The following SPINK6 variants were observed in gnomAD, a reference collection of about 807,000 sequenced individuals.
SPINK6 encodes the protein serine protease inhibitor Kazal-type 6.
SPINK6 carries 13 observed loss-of-function variants against 11.7 expected under a neutral mutation model. The observed-to-expected ratio is 1.11, with a 90% CI of 0.72 to 1.76. The LOEUF is 1.76. SPINK6 is among the 40% of genes most tolerant of loss of function. The pLI is 0.00. For missense variants in SPINK6, 98 were observed against 93.7 expected (o/e 1.05, Z -0.19); for synonymous variants, 21 against 31.9 (o/e 0.66, Z 1.15).
intron 2 of SPINK6, among the ~76,000 whole-genome samples, chr5:148,207,915 C>T (rs949512321): frequency 6.6e-6 from 1 of 152,068 alleles, no homozygotes; most frequent in Non-Finnish European, 1.5e-5. Flanking sequence ...ATACAGATCC[C>T]CAGGCATCAT....
intron 2 of SPINK6, among the ~76,000 whole-genome samples, chr5:148,210,022 G>A (rs1309907470): frequency 1.8e-3 from 26 of 14,314 alleles, no homozygotes; most frequent in Admixed American, 7.1e-3. Context: ...ATGTACGCAT[G>A]TACGCATGCA....
At chr5:148,208,829 TTGAC>T (rs1223184715) in intron 2 of SPINK6, among the ~76,000 whole-genome samples, 1 of 152,196 alleles carries the variant, frequency 6.6e-6, no homozygotes, top group Non-Finnish European at 1.5e-5. Context: ...AGATAGTCCT[TTGAC>T]TGAATACATT....
chr5:148,208,454 T>C (rs538772512), intron 2 of SPINK6, among the ~76,000 whole-genome samples: 2 of 152,324 alleles, frequency 1.3e-5, no homozygotes, highest in Admixed American at 6.5e-5. Flanking sequence ...AAGTAAGATT[T>C]CCTCCAACAC....
At chr5:148,203,373 C>T (rs554745701) in intron 1 of SPINK6, among the ~76,000 whole-genome samples, 30 of 152,012 alleles carry the variant, frequency 2.0e-4, no homozygotes, top group African/African-American at 5.5e-4. Context: ...TAGGCATGTA[C>T]GAAGGGATTT....
At chr5:148,208,921 T>C (rs1755533775) in intron 2 of SPINK6, among the ~76,000 whole-genome samples, 1 of 152,226 alleles carries the variant, frequency 6.6e-6, no homozygotes, top group South Asian at 2.1e-4. Context: ...GGGAACCTTA[T>C]CCTTAAAGAG....
rs573162456 is a variant in SPINK6 at position 148,210,093 on chromosome 5, CATGT to C, written c.82-3809_82-3806del. Among the ~76,000 whole-genome samples, 262 of 109,080 alleles carry C rather than the reference CATGT, an allele frequency of 2.4e-3. 4 individuals are homozygous for C. Among genetic ancestry groups the C allele is most frequent in the African/African-American group, 7.4e-3 (247 of 33,182 alleles). 71.6% of individuals were successfully genotyped at this position (109,080 alleles called of 152,430 possible). A position where few individuals can be genotyped will look rare whatever the true frequency, so the allele number is the denominator to read the frequency against. ...GTATGCATATATGTATGCATGTTTA[CATGT>C]ATGTATGCACATATGTATGTATGTT... On this transcript the variant is annotated intron_variant, in intron 2 of 3. Coordinates refer to ENST00000325630, the MANE Select transcript of SPINK6 (RefSeq NM_205841.4).
chr5:148,207,021 T>TTGTC (rs1654360990), intron 2 of SPINK6, among the ~76,000 whole-genome samples: 1 of 150,022 alleles, frequency 6.7e-6, no homozygotes, highest in Non-Finnish European at 1.5e-5. Context: ...GATGATGCAT[T>TTGTC]TGTGTGTGTG....
chr5:148,209,968 A>ACAC lies in SPINK6; in HGVS notation c.81+3910_81+3911insCAC, dbSNP rs1376051662. 1.3e-5 allele frequency among the ~76,000 whole-genome samples: 2 copies of ACAC among 150,360 alleles called. 1 individual carries two copies. The highest frequency in any genetic ancestry group is 3.0e-5 in the Non-Finnish European group (2 of 67,768). On this transcript the variant is annotated intron_variant, in intron 2 of 3. Coordinates refer to ENST00000325630, the MANE Select transcript of SPINK6 (RefSeq NM_205841.4). ...AGGTTTCATATATATGTATACATAC[A>ACAC]TACGTACGTATGTATGTATACATAT...
intron 2 of SPINK6, among the ~76,000 whole-genome samples, chr5:148,211,834 A>C (rs2113315678): frequency 6.6e-6 from 1 of 152,320 alleles, no homozygotes; most frequent in South Asian, 2.1e-4. Context: ...CAGAGGAAGA[A>C]AATACTTGGG....
chr5:148,203,861 A>G (rs1310601068), intron 1 of SPINK6, among the ~76,000 whole-genome samples: 1 of 152,166 alleles, frequency 6.6e-6, no homozygotes, highest in Non-Finnish European at 1.5e-5. Context: ...CGGAATGAGC[A>G]GGTCCATCAT....
At position 148,213,948 on chromosome 5, in the gene SPINK6, C is replaced by T. The variant is rs753315673; in HGVS notation, c.120C>T (p.Cys40=). 5 of 1,613,370 alleles carry T rather than the reference C, an allele frequency of 3.1e-6. No homozygotes were observed. Among genetic ancestry groups the T allele is most frequent in the Non-Finnish European group, 4.2e-6 (5 of 1,179,306 alleles). Residue 40 remains cysteine, a synonymous_variant, in exon 3 of 4, where the codon TGC becomes TGT. Coordinates refer to ENST00000325630, the MANE Select transcript of SPINK6 (RefSeq NM_205841.4). ...CGEFQDPKVY[C]TRESNPHCGS... is the part of the protein sequence containing the mutation. ...AGTTCCAGGACCCCAAGGTCTACTG[C>T]ACTCGGGAATCTAACCCACACTGTG...
At chr5:148,214,371 A>C (rs1755655260) in intron 3 of SPINK6, among the ~76,000 whole-genome samples, 1 of 152,164 alleles carries the variant, frequency 6.6e-6, no homozygotes, top group Admixed American at 6.5e-5. Flanking sequence ...TAGAATTTGC[A>C]ATATCAATAC....
chr5:148,203,575 T>G (rs1462967544), intron 1 of SPINK6, among the ~76,000 whole-genome samples: 1 of 152,202 alleles, frequency 6.6e-6, no homozygotes, highest in Non-Finnish European at 1.5e-5. Flanking sequence ...GGATGGATAA[T>G]TGCATTAAAT....
rs74948820 is a variant in SPINK6, at chr5:148,211,697, A to G, written c.82-2213A>G. Among the ~76,000 whole-genome samples, 641 of 152,338 alleles carry G rather than the reference A, an allele frequency of 4.2e-3. 7 individuals carry two copies. The highest frequency in any genetic ancestry group is 0.015 in the African/African-American group (618 of 41,576). On this transcript the variant is annotated intron_variant, in intron 2 of 3. Coordinates refer to ENST00000325630, the MANE Select transcript of SPINK6 (RefSeq NM_205841.4). ...CGATTCTCAGCTTACTTCAGAGATC[A>G]TTGAAGGCCACTAAAATTTAAGAGT...
intron 3 of SPINK6, 103 bp from the exon 4 acceptor site, chr5:148,214,802 C>A: frequency 1.2e-6 from 1 of 864,128 alleles, no homozygotes; most frequent in Non-Finnish European, 1.8e-6. Context: ...TTTATAGAAT[C>A]AAATAATTAA....
rs1387826044 is a variant in SPINK6 at position 148,210,000 on chromosome 5, A to ACG, written c.82-3910_82-3909insCG. The stretch of plus-strand genomic sequence containing the variant: ...CGTATGTATGTATACATATACACGT[A>ACG]TGTATACATGTATGTACGCATGTAC... On this transcript the variant is annotated intron_variant, in intron 2 of 3. Coordinates refer to ENST00000325630, the MANE Select transcript of SPINK6 (RefSeq NM_205841.4). Among the ~76,000 whole-genome samples, 172 of 149,622 alleles carry ACG rather than the reference A, an allele frequency of 1.1e-3. 23 individuals are homozygous for ACG. The highest frequency in any genetic ancestry group is 1.5e-3 in the Admixed American group (23 of 15,032).
At chr5:148,209,991 T>TACACACGTACGTATGTATGTATAA (rs1398978551) in intron 2 of SPINK6, among the ~76,000 whole-genome samples, 2 of 145,506 alleles carry the variant, frequency 1.4e-5, no homozygotes, top group Admixed American at 6.8e-5. Context: ...TATGTATACA[T>TACACACGTACGTATGTATGTATAA]ATACACGTAT....
At chr5:148,211,600 A>G (rs1755598165) in intron 2 of SPINK6, among the ~76,000 whole-genome samples, 1 of 152,164 alleles carries the variant, frequency 6.6e-6, no homozygotes, top group Non-Finnish European at 1.5e-5. Context: ...GGTTAAGAAA[A>G]TTGAGGTGCA....
chr5:148,209,991 T>TCCACACGTACGTATGTATGTATAC, intron 2 of SPINK6, among the ~76,000 whole-genome samples: 1 of 145,508 alleles, frequency 6.9e-6, no homozygotes, highest in Non-Finnish European at 1.5e-5. Flanking sequence ...TATGTATACA[T>TCCACACGTACGTATGTATGTATAC]ATACACGTAT....
Sources: gnomAD v4.1 joint callset for allele counts (sites outside exome capture counted in the v4.1 genomes callset) on GRCh38, gnomAD v4.1.1 for gene constraint, MANE v1.5 for transcripts, NCBI Gene and HGNC (gene_info 2026-07-23, HGNC 2026-07-21) for gene names.